Variants in PLEKHA1 observed in about 807,000 individuals in gnomAD.
The protein encoded by PLEKHA1 is pleckstrin homology domain containing A1.
Under a neutral mutation model 52.0 loss-of-function variants are expected in PLEKHA1, and 34 were observed. The observed-to-expected ratio is 0.65, with a 90% CI of 0.50 to 0.87. PLEKHA1 has a LOEUF of 0.87. Ranked by LOEUF, PLEKHA1 falls within the 40% of genes least tolerant of loss-of-function variation. The pLI is 0.00. For synonymous variants in PLEKHA1, 163 were observed against 170.7 expected (o/e 0.95, Z 0.35); for missense variants, 497 against 504.2 (o/e 0.99, Z 0.14).
At chr10:122,389,666 C>T (rs995365262) in intron 1 of PLEKHA1, among the ~76,000 whole-genome samples, 5 of 152,130 alleles carry the variant, frequency 3.3e-5, no homozygotes, top group African/African-American at 1.2e-4. Context: ...GCCAAGATTG[C>T]GCCACCACTC....
intron 1 of PLEKHA1, among the ~76,000 whole-genome samples, chr10:122,376,180 T>TA (rs1214215970): frequency 2.0e-5 from 3 of 152,286 alleles, no homozygotes; most frequent in Non-Finnish European, 4.4e-5. Context: ...TATATTAAAA[T>TA]AATAAGATTT....
At chr10:122,391,208 C>T (rs1017757879) in intron 1 of PLEKHA1, among the ~76,000 whole-genome samples, 1 of 150,302 alleles carries the variant, frequency 6.7e-6, no homozygotes, top group Non-Finnish European at 1.5e-5. Context: ...ATATAGTTTG[C>T]AAATATTTTC....
Position 122,393,336 on chromosome 10 carries a change from C to G in PLEKHA1, c.136C>G (p.Pro46Ala), listed in dbSNP as rs1330596311. The change falls in exon 2 of 12, where the codon CCA becomes GCA. Residue 46 changes from proline to alanine, a missense_variant. Pro to Ala is a conservative substitution (Grantham distance 27). Coordinates refer to ENST00000368990, the MANE Select transcript of PLEKHA1 (RefSeq NM_001001974.4). The surrounding 1 kb of genome is among the most constrained non-coding windows in gnomAD (Gnocchi z 4.5). Reference sequence around the variant, plus strand: ...TAGTTTCGTGTGGTACATGGATAATCCACAGGTTTGTAAAATCCCAAGGAT... The same window carrying G: ...TAGTTTCGTGTGGTACATGGATAATGCACAGGTTTGTAAAATCCCAAGGAT... ...EDSFVWYMDNPQNLPSGSSRV... is the reference protein window; with the variant it reads ...EDSFVWYMDNAQNLPSGSSRV... 1 of 1,596,500 alleles carries G rather than the reference C, an allele frequency of 6.3e-7. No individual in the cohort carries two copies. The highest frequency in any genetic ancestry group is 8.5e-7 in the Non-Finnish European group (1 of 1,173,218).
intron 2 of PLEKHA1, among the ~76,000 whole-genome samples, chr10:122,397,172 C>T (rs929179345): frequency 3.3e-5 from 5 of 152,052 alleles, no homozygotes; most frequent in African/African-American, 1.2e-4. Context: ...TCCATTTTCT[C>T]TGCTTGGAAT....
chr10:122,433,649 C>A (rs540792542), downstream of PLEKHA1: 1 of 152,152 alleles, frequency 6.6e-6, no homozygotes, highest in South Asian at 2.1e-4. Flanking sequence ...CATGCAACAG[C>A]AGCTCACGTA....
At chr10:122,388,993 C>A (rs1232863271) in intron 1 of PLEKHA1, among the ~76,000 whole-genome samples, 2 of 152,202 alleles carry the variant, frequency 1.3e-5, no homozygotes, top group African/African-American at 4.8e-5. Context: ...AAGTCTTGAA[C>A]CCTCCCAAGT....
intron 1 of PLEKHA1, among the ~76,000 whole-genome samples, chr10:122,383,686 A>G (rs1232497626): frequency 6.6e-6 from 1 of 151,978 alleles, no homozygotes; most frequent in Non-Finnish European, 1.5e-5. Flanking sequence ...TTTTTTTGGT[A>G]ACAATCACAA....
chr10:122,428,380 G>A lies in PLEKHA1; in HGVS notation c.901-1244G>A, dbSNP rs758404052. The A allele has an allele frequency of 2.0e-5, 31 of 1,540,932 alleles. No homozygotes were observed. In the South Asian group the frequency reaches 3.5e-4, roughly 17 times the overall value. On this transcript the variant is annotated intron_variant, in intron 11 of 11. Coordinates refer to ENST00000368990, the MANE Select transcript of PLEKHA1 (RefSeq NM_001001974.4). ...GCTCTCACGCAAACGTGCCTTCTTA[G>A]TGGAGGGCCCAGACTTACTACTTAC...
chr10:122,425,456 CACCTG>C (rs563495793), intron 10 of PLEKHA1: 1 of 152,344 alleles, frequency 6.6e-6, no homozygotes, highest in South Asian at 2.1e-4. Flanking sequence ...TGTTGGCTCA[CACCTG>C]TAATCCCAGC....
intron 1 of PLEKHA1, among the ~76,000 whole-genome samples, chr10:122,379,627 C>T (rs1329675737): frequency 6.6e-6 from 1 of 152,236 alleles, no homozygotes; most frequent in African/African-American, 2.4e-5. Context: ...GTCAACTGCT[C>T]TTGCAGAGTG....
At position 122,413,039 on chromosome 10, in the gene PLEKHA1, C is replaced by G. The variant is rs367746872; in HGVS notation, c.462C>G (p.Pro154=). ...TTGGTGGCGTACCCATCATTACTCC[C>G]ACTCAGGTAATTAAGTAACTCTTCT... is the stretch of plus-strand genomic sequence containing the variant. ...DIVGGVPIIT[P]TQKEEVNECG... The change falls in exon 6 of 12, where the codon CCC becomes CCG. Residue 154 remains proline (P), a synonymous_variant. Transcript: ENST00000368990. The G allele has an allele frequency of 6.2e-7, 1 of 1,611,662 alleles. No individual in the cohort carries two copies. Among genetic ancestry groups the G allele is most frequent in the Non-Finnish European group, 8.5e-7 (1 of 1,178,470 alleles).
At chr10:122,442,335 A>G in the PLEKHA1 span, 1 of 152,154 alleles carries the variant, frequency 6.6e-6, no homozygotes, top group Non-Finnish European at 1.5e-5. Context: ...TTAAAAAAAG[A>G]ATAGCCTTAA....
intron 5 of PLEKHA1, among the ~76,000 whole-genome samples, chr10:122,409,726 G>A (rs550666993): frequency 6.6e-6 from 1 of 151,662 alleles, no homozygotes; most frequent in Admixed American, 6.6e-5. Context: ...GTTTGTGTCT[G>A]CACGTTTTTA....
chr10:122,439,717 G>A, the PLEKHA1 span: 1 of 151,982 alleles, frequency 6.6e-6, no homozygotes, highest in African/African-American at 2.4e-5. Flanking sequence ...CTCCAGCCTG[G>A]GTGACAAGAG....
chr10:122,397,533 G>A (rs941754405), intron 2 of PLEKHA1, among the ~76,000 whole-genome samples: 1 of 152,074 alleles, frequency 6.6e-6, no homozygotes, highest in African/African-American at 2.4e-5. Flanking sequence ...ATAGAACAAA[G>A]TAATATGTAT....
chr10:122,429,234 G>A (rs2097386831), intron 11 of PLEKHA1, among the ~76,000 whole-genome samples: 1 of 152,050 alleles, frequency 6.6e-6, no homozygotes, highest in South Asian at 2.1e-4. Flanking sequence ...AGTGTTGACT[G>A]AGAATATACT....
chr10:122,399,643 C>T (rs1030468898), intron 3 of PLEKHA1, among the ~76,000 whole-genome samples: 3 of 152,004 alleles, frequency 2.0e-5, no homozygotes, highest in African/African-American at 4.8e-5. Context: ...AGTGCAGTGG[C>T]GCGATCTCGG....
At chr10:122,421,446 G>C (rs1036266075) in intron 8 of PLEKHA1, 15 of 152,102 alleles carry the variant, frequency 9.9e-5, no homozygotes, top group African/African-American at 3.6e-4. Context: ...GAATTCTTTT[G>C]CTCTAATAAA....
chr10:122,375,693 C>T (rs535374997), intron 1 of PLEKHA1, among the ~76,000 whole-genome samples: 1 of 152,350 alleles, frequency 6.6e-6, no homozygotes, highest in Admixed American at 6.5e-5. Context: ...CGCAGAGCAT[C>T]TACCGTGGTC....
Sources: gnomAD v4.1 joint callset for allele counts (sites outside exome capture counted in the v4.1 genomes callset) on GRCh38, gnomAD v4.1.1 for gene constraint, Gnocchi (gnomAD v3.1) non-coding constraint, MANE v1.5 for transcripts, NCBI Gene and HGNC (gene_info 2026-07-23, HGNC 2026-07-21) for gene names.